The following ANO4 variants were observed in gnomAD, a reference collection of about 807,000 sequenced individuals.
The protein encoded by ANO4 is anoctamin 4, also known as anoctamin-4.
In ANO4, 69 loss-of-function variants were observed where a neutral mutation model predicts 141.9. That is an observed-to-expected ratio of 0.49 (90% CI 0.40 to 0.59). The LOEUF (loss-of-function observed/expected upper bound fraction) is 0.59, where lower values mean the gene tolerates loss of function less well. Ranked by LOEUF, ANO4 falls within the 20% of genes least tolerant of loss-of-function variation. The pLI is 0.00. For missense variants in ANO4, 894 were observed against 1,162.2 expected (o/e 0.77, Z 3.36); for synonymous variants, 350 against 394.3 (o/e 0.89, Z 1.33).
intron 5 of ANO4, among the ~76,000 whole-genome samples, chr12:100,951,228 C>T (rs1223456645): frequency 2.0e-5 from 3 of 152,170 alleles, no homozygotes; most frequent in Non-Finnish European, 4.4e-5. Flanking sequence ...AATGTTTAGA[C>T]ACTGCTGGTG....
intron 14 of ANO4, chr12:101,066,805 C>G: frequency 1.4e-6 from 2 of 1,379,456 alleles, no homozygotes; most frequent in South Asian, 2.3e-5. Flanking sequence ...TATCTGTGGA[C>G]CTGAATGTTG....
intron 8 of ANO4, among the ~76,000 whole-genome samples, chr12:101,005,954 T>A (rs937580964): frequency 1.3e-5 from 2 of 152,206 alleles, no homozygotes; most frequent in Non-Finnish European, 2.9e-5. Flanking sequence ...ATTATCCAGA[T>A]TGCTATCCAC....
At chr12:101,047,985 A>G (rs1238976810) in intron 13 of ANO4, 2 of 1,006,904 alleles carry the variant, frequency 2.0e-6, no homozygotes, top group Non-Finnish European at 2.4e-6. Flanking sequence ...TTAAAGCAGC[A>G]CTAACAATAC....
chr12:100,954,038 C>T (rs1213743265), intron 5 of ANO4, among the ~76,000 whole-genome samples: 1 of 152,096 alleles, frequency 6.6e-6, no homozygotes, highest in Admixed American at 6.5e-5. Context: ...CTAACTTGTC[C>T]TTTTCCATTA....
intron 17 of ANO4, among the ~76,000 whole-genome samples, chr12:101,087,308 A>C (rs967452527): frequency 6.6e-6 from 1 of 151,844 alleles, no homozygotes; most frequent in Admixed American, 6.6e-5. Context: ...GCTTGAGCCC[A>C]GGAGTTCAAG....
intron 1 of ANO4, among the ~76,000 whole-genome samples, chr12:100,814,506 C>T (rs1217760787): frequency 6.6e-6 from 1 of 152,074 alleles, no homozygotes; most frequent in East Asian, 1.9e-4. Context: ...AGCATGAGTG[C>T]TAGCATCTTC....
intron 1 of ANO4, among the ~76,000 whole-genome samples, chr12:100,828,728 A>C (rs576537994): frequency 8.5e-5 from 13 of 152,160 alleles, no homozygotes; most frequent in Non-Finnish European, 1.6e-4. Flanking sequence ...TATATGAATA[A>C]CATTCTTCTT....
intron 1 of ANO4, among the ~76,000 whole-genome samples, chr12:100,831,611 G>C (rs2036635879): frequency 6.6e-6 from 1 of 152,108 alleles, no homozygotes; most frequent in South Asian, 2.1e-4. Flanking sequence ...GAGGAAAAGA[G>C]TGTATGAAAC....
intron 8 of ANO4, among the ~76,000 whole-genome samples, chr12:100,989,985 A>T (rs2045011159): frequency 9.6e-6 from 1 of 103,794 alleles, no homozygotes; most frequent in African/African-American, 3.5e-5. Flanking sequence ...AGATGGATGG[A>T]TGGATGGATG....
At chr12:100,924,240 T>A (rs2136111684) in intron 3 of ANO4, among the ~76,000 whole-genome samples, 1 of 152,280 alleles carries the variant, frequency 6.6e-6, no homozygotes, top group Admixed American at 6.5e-5. Context: ...CATTTTCTTG[T>A]TAACTTTCTT....
chr12:100,914,003 T>G (rs2041227242), intron 2 of ANO4, among the ~76,000 whole-genome samples: 1 of 152,228 alleles, frequency 6.6e-6, no homozygotes, highest in Non-Finnish European at 1.5e-5. Context: ...ATCCTGAGTT[T>G]GTCTCTTCTC....
At chr12:100,981,839 C>T (rs986747979) in intron 7 of ANO4, among the ~76,000 whole-genome samples, 4 of 152,144 alleles carry the variant, frequency 2.6e-5, no homozygotes, top group African/African-American at 9.7e-5. Context: ...AGATCCTTTG[C>T]ACATATGTGG....
At chr12:101,101,823 C>T (rs531893243) in intron 22 of ANO4, among the ~76,000 whole-genome samples, 13 of 152,212 alleles carry the variant, frequency 8.5e-5, no homozygotes, top group African/African-American at 2.6e-4. Context: ...TGGCTCACAC[C>T]TGTAATCCTA....
chr12:100,964,749 G>A (rs1055845171), intron 5 of ANO4, among the ~76,000 whole-genome samples: 2 of 152,092 alleles, frequency 1.3e-5, no homozygotes, highest in Non-Finnish European at 2.9e-5. Context: ...TAATAGAACA[G>A]CCTCCCTGAG....
chr12:101,048,253 C>T, intron 13 of ANO4, 88 bp from the exon 14 acceptor site: 1 of 1,403,384 alleles, frequency 7.1e-7, no homozygotes, highest in Non-Finnish European at 1.0e-6. Context: ...ATTATATAAT[C>T]ACAGCTATTT....
At chr12:100,859,142 C>T (rs983526753) in intron 1 of ANO4, 1 of 152,148 alleles carries the variant, frequency 6.6e-6, no homozygotes, top group Non-Finnish European at 1.5e-5. Context: ...GGCTATAGTA[C>T]AGTATCGTTC....
At chr12:100,750,108 A>AT (rs1445588408) in intron 3 of ANO4, among the ~76,000 whole-genome samples, 1 of 151,632 alleles carries the variant, frequency 6.6e-6, no homozygotes, top group Non-Finnish European at 1.5e-5. Flanking sequence ...GGGTAGTGAG[A>AT]TTCTGCATTT....
At chr12:100,849,414 A>AGCCACCAATTTCTCC (rs2037749871) in intron 1 of ANO4, among the ~76,000 whole-genome samples, 1 of 152,230 alleles carries the variant, frequency 6.6e-6, no homozygotes, top group South Asian at 2.1e-4. Context: ...CTCATTTCTC[A>AGCCACCAATTTCTCC]GCCACCAATT....
chr12:100,869,132 C>T (rs980972210), intron 1 of ANO4, among the ~76,000 whole-genome samples: 2 of 152,142 alleles, frequency 1.3e-5, no homozygotes, highest in Non-Finnish European at 2.9e-5. Context: ...ATCCTAAATC[C>T]GGGGTGAGTA....
Sources: allele counts gnomAD v4.1 joint callset (sites outside exome capture counted in the v4.1 genomes callset), GRCh38; gene constraint gnomAD v4.1.1; transcripts MANE v1.5; gene names NCBI Gene and HGNC (gene_info 2026-07-23, HGNC 2026-07-21).